The following MCM8 variants were observed in gnomAD, a reference collection of about 807,000 sequenced individuals.
The protein encoded by MCM8 is DNA helicase MCM8.
In MCM8, 85 loss-of-function variants were observed where a neutral mutation model predicts 98.9. The ratio of observed to expected loss-of-function variants is 0.86; its 90% confidence interval spans 0.72 to 1.03. MCM8 has a LOEUF of 1.03. MCM8 is among the 50% of genes least tolerant of loss of function. The pLI is 0.00. For missense variants in MCM8, 951 were observed against 997.8 expected (o/e 0.95, Z 0.63); for synonymous variants, 352 against 338.6 (o/e 1.04, Z -0.44).
In MCM8 at chr20:5,977,939, C is replaced by T; in HGVS notation, c.1459C>T (p.Leu487=). 1 of 1,614,228 alleles carries T rather than the reference C, an allele frequency of 6.2e-7. No individual in the cohort carries two copies. Residue 487 remains leucine, a synonymous_variant, in exon 13 of 19, where the codon CTG becomes TTG. Transcript: ENST00000610722. Reference sequence around the variant, plus strand: ...TGGTAACACCACGACCACCTCTGGTCTGACGGTAACTCTTTCAAAAGATAG... The same window carrying T: ...TGGTAACACCACGACCACCTCTGGTTTGACGGTAACTCTTTCAAAAGATAG... The part of the protein sequence containing the change: ...VCGNTTTTSG[L]TVTLSKDSSS...
At chr20:5,971,978 G>T in intron 10 of MCM8, 29 bp from the exon 11 acceptor site, 1 of 1,595,618 alleles carries the variant, frequency 6.3e-7, no homozygotes, top group East Asian at 2.2e-5. Context: ...GTATAAATTA[G>T]AATTTATAAG....
chr20:5,968,164 A>G, intron 10 of MCM8, 139 bp downstream of exon 10: 1 of 580,486 alleles, frequency 1.7e-6, no homozygotes, highest in Non-Finnish European at 3.0e-6. Context: ...CCCCTTGAGT[A>G]TGGCCTATGA....
Position 5,952,425 on chromosome 20 carries a change from A to G in MCM8, c.150A>G (p.Glu50=). 6.2e-7 allele frequency: 1 copy of G among 1,613,608 alleles called. No homozygotes were observed. Among genetic ancestry groups the G allele is most frequent in the South Asian group, 1.1e-5 (1 of 90,946 alleles). ...LSKTTGKRTS[E]QTPQFLLSTK... is the part of the protein sequence containing the mutation. ...AACCTAGTATTTTATTTTTTTCAGA[A>G]CAAACCCCACAGTTTTTGCTTTCAA... Residue 50 remains glutamate (E), a splice_region_variant and synonymous_variant, in exon 3 of 19, where the codon GAA becomes GAG. Coordinates refer to ENST00000610722, the MANE Select transcript of MCM8 (RefSeq NM_032485.6).
At chr20:5,978,803 C>A (rs1396904061) in intron 13 of MCM8, among the ~76,000 whole-genome samples, 2 of 152,172 alleles carry the variant, frequency 1.3e-5, no homozygotes, top group African/African-American at 4.8e-5. Flanking sequence ...AGTGATCCAC[C>A]CACCACACCT....
chr20:5,967,726 A>G, intron 9 of MCM8, 104 bp from the exon 10 acceptor site: 2 of 1,363,210 alleles, frequency 1.5e-6, no homozygotes, highest in Non-Finnish European at 2.0e-6. Context: ...CTTTTAAAAA[A>G]ACATGTATTT....
At chr20:5,976,466 A>G (rs1224902636) in intron 12 of MCM8, among the ~76,000 whole-genome samples, 1 of 152,120 alleles carries the variant, frequency 6.6e-6, no homozygotes, top group African/African-American at 2.4e-5. Flanking sequence ...TTGTTTTTAT[A>G]CCATGGTCTA....
chr20:5,974,701 T>G (rs1024749056), intron 12 of MCM8, among the ~76,000 whole-genome samples: 5 of 152,218 alleles, frequency 3.3e-5, no homozygotes, highest in Non-Finnish European at 5.9e-5. Context: ...CAGCCAGCCT[T>G]GAGAACTGCT....
chr20:5,993,522 T>C lies in MCM8; in HGVS notation c.2257T>C (p.Ser753Pro), dbSNP rs1466725113. 3 of 1,575,016 alleles carry C rather than the reference T, an allele frequency of 1.9e-6. No homozygotes were observed. The highest frequency in any genetic ancestry group is 2.6e-6 in the Non-Finnish European group (3 of 1,156,648). ...IMKYSMLGTY[S>P]DEFGNLDFER... ...CTTTTTAAGCATGCTAGGAACTTAC[T>C]CTGATGAATTTGGGAACCTAGATTT... is the stretch of plus-strand genomic sequence containing the variant. The change falls in exon 18 of 19, where the codon TCT becomes CCT. Residue 753 changes from serine to proline, a missense_variant. Ser to Pro is a moderately conservative substitution (Grantham distance 74). Coordinates refer to ENST00000610722, the MANE Select transcript of MCM8 (RefSeq NM_032485.6).
chr20:5,967,794 A>C lies in MCM8; in HGVS notation c.1028-36A>C, dbSNP rs114589298. On this transcript the variant is annotated intron_variant, in intron 9 of 18. Coordinates refer to ENST00000610722, the MANE Select transcript of MCM8 (RefSeq NM_032485.6). ...TTGAGTCATTGTAGGGAAAATGAAA[A>C]TACCAACTATTGTATTTAACACTTT... 812 of 1,532,322 alleles carry C rather than the reference A, an allele frequency of 5.3e-4. 8 individuals carry two copies. In the African/African-American group the frequency reaches 0.01, roughly 19 times the overall value. The allele number at this position is 1,532,322 out of a possible 1,614,324, so 94.9% of individuals were successfully genotyped here. A position where few individuals can be genotyped will look rare whatever the true frequency, so the allele number is the denominator to read the frequency against.
At position 5,963,323 on chromosome 20, in the gene MCM8, C is replaced by A. The variant is rs749490653; in HGVS notation, c.839C>A (p.Ser280Tyr). 6.2e-7 allele frequency: 1 copy of A among 1,614,090 alleles called. No individual in the cohort carries two copies. The highest frequency in any genetic ancestry group is 1.1e-5 in the South Asian group (1 of 91,078). The change falls in exon 8 of 19, where the codon TCT becomes TAT. Residue 280 changes from serine (S) to tyrosine (Y), a missense_variant. Physicochemically the swap from Ser to Tyr is moderately radical, Grantham distance 144. Coordinates refer to ENST00000610722, the MANE Select transcript of MCM8 (RefSeq NM_032485.6). The part of the protein sequence containing the change: ...RGRSFTALRS[S>Y]PLTVTMDWQS... ...AGGTCATTTACTGCTCTCCGCAGCT[C>A]TCCTCTCACAGTTACGATGGACTGG...
chr20:5,969,762 A>C (rs2089362703), intron 10 of MCM8, among the ~76,000 whole-genome samples: 1 of 152,160 alleles, frequency 6.6e-6, no homozygotes, highest in Non-Finnish European at 1.5e-5. Context: ...TTCCCTCTGA[A>C]TAAAAGCCAT....
intron 8 of MCM8, chr20:5,965,456 C>T (rs1187079694): frequency 1.3e-5 from 2 of 152,318 alleles, no homozygotes; most frequent in Non-Finnish European, 2.9e-5. Flanking sequence ...CACCCCTTTT[C>T]GTCTGGTAAG....
In MCM8 at chr20:5,954,685, G is replaced by T; in HGVS notation, c.331G>T (p.Asp111Tyr). 6.4e-7 allele frequency: 1 copy of T among 1,571,858 alleles called. No homozygotes were observed. Among genetic ancestry groups the T allele is most frequent in the South Asian group, 1.1e-5 (1 of 89,972 alleles). Reference sequence around the variant, plus strand: ...TTTCACAAGGCATATTGATTTGTATGACAAGGTAAGATTCCTCTACAGCAA... The same window carrying T: ...TTTCACAAGGCATATTGATTTGTATTACAAGGTAAGATTCCTCTACAGCAA... ...KFFTRHIDLY[D>Y]KDEIERKGSI... Residue 111 changes from aspartate (D) to tyrosine (Y), a missense_variant, in exon 4 of 19, where the codon GAC (aspartate) becomes TAC (tyrosine). Physicochemically the swap from Asp to Tyr is radical, Grantham distance 160. Transcript: ENST00000610722.
intron 1 of MCM8, 143 bp from the exon 2 acceptor site, chr20:5,951,868 T>C: frequency 1.1e-6 from 1 of 872,764 alleles, no homozygotes; most frequent in Non-Finnish European, 1.7e-6. Context: ...TTGGGTCTTG[T>C]ATCATAGCTG....
Position 5,994,563 on chromosome 20 carries a change from T to G in MCM8, c.*172T>G. 1.8e-6 allele frequency: 1 copy of G among 552,112 alleles called. No homozygotes were observed. The highest frequency in any genetic ancestry group is 3.0e-5 in the East Asian group (1 of 33,738). The allele number at this position is 552,112 out of a possible 1,614,324, so 34.2% of individuals were successfully genotyped here. On this transcript the variant is annotated 3_prime_UTR_variant, in exon 19 of 19. Coordinates refer to ENST00000610722, the MANE Select transcript of MCM8 (RefSeq NM_032485.6). ...TCTGAAAAATGATGTCCCAAAAGTA[T>G]TATAATAGGAAAAAAGCATTAAATA...
Position 5,998,582 on chromosome 20 carries a change from G to A in MCM8, c.*4191G>A, listed in dbSNP as rs1312198539. ...ACAGACCTGCAGTGTTTTTCTGGGA[G>A]TTAATTCTGGAGACCCAGTATGGAA... On this transcript the variant is annotated 3_prime_UTR_variant, in exon 19 of 19. Transcript: ENST00000610722. 1 of 152,196 alleles carries A rather than the reference G, an allele frequency of 6.6e-6. No homozygotes were observed. The allele number at this position is 152,196 out of a possible 1,614,324, so 9.4% of individuals were successfully genotyped here.
At chr20:5,986,155 C>T (rs1288818246) in intron 16 of MCM8, 24 bp downstream of exon 16, 1 of 1,608,820 alleles carries the variant, frequency 6.2e-7, no homozygotes, top group African/African-American at 1.3e-5. Context: ...TATGGTCATG[C>T]TTTTTTTGGC....
intron 10 of MCM8, among the ~76,000 whole-genome samples, chr20:5,969,530 T>C (rs2089354548): frequency 6.6e-6 from 1 of 150,806 alleles, no homozygotes; most frequent in Non-Finnish European, 1.5e-5. Context: ...AGGCGGAGGT[T>C]GCAGTGATCT....
chr20:5,955,188 A>T lies in MCM8; in HGVS notation c.423A>T (p.Ile141=). The part of the protein sequence containing the change: ...GGEVTNLIPD[I]ATELRDAPEK... ...AAGTAACTAACTTGATACCAGATAT[A>T]GCAACTGAACTAAGAGATGCACCTG... is the stretch of plus-strand genomic sequence containing the variant. The change falls in exon 5 of 19, where the codon ATA becomes ATT. Residue 141 remains isoleucine (I), a synonymous_variant. Coordinates refer to ENST00000610722, the MANE Select transcript of MCM8 (RefSeq NM_032485.6). 1 of 1,614,010 alleles carries T rather than the reference A, an allele frequency of 6.2e-7. No homozygotes were observed. The highest frequency in any genetic ancestry group is 8.5e-7 in the Non-Finnish European group (1 of 1,179,934).
Sources: gnomAD v4.1 joint callset for allele counts (sites outside exome capture counted in the v4.1 genomes callset) on GRCh38, gnomAD v4.1.1 for gene constraint, MANE v1.5 for transcripts, NCBI Gene and HGNC (gene_info 2026-07-23, HGNC 2026-07-21) for gene names.